Variants in DMD observed in about 807,000 individuals in gnomAD.
The protein encoded by DMD is dystrophin.
DMD carries 63 observed loss-of-function variants against 330.1 expected under a neutral mutation model. The observed-to-expected ratio is 0.19, with a 90% confidence interval of 0.16 to 0.24. The LOEUF (loss-of-function observed/expected upper bound fraction) is 0.24. Ranked by LOEUF, DMD falls within the 10% of genes least tolerant of loss-of-function variation. The pLI is 1.00. For synonymous variants in DMD, 1,223 were observed against 959.8 expected (o/e 1.27, Z -5.07); for missense variants, 3,344 against 2,684.1 (o/e 1.25, Z -5.43).
chrX:33,192,014 A>G (rs1400158437), intron 1 of DMD, among the ~76,000 whole-genome samples: 2 of 112,240 alleles, frequency 1.8e-5, no homozygotes, highest in African/African-American at 6.5e-5. Context: ...AACAGTGGAT[A>G]AAGGACAAGA....
At chrX:32,807,362 G>T (rs1196757803) in intron 7 of DMD, among the ~76,000 whole-genome samples, 1 of 110,899 alleles carries the variant, frequency 9.0e-6, no homozygotes, top group Non-Finnish European at 1.9e-5. Context: ...TAAGCGATAA[G>T]ATGCTCTTTC....
intron 17 of DMD, among the ~76,000 whole-genome samples, chrX:32,529,566 T>G (rs1453148266): frequency 9.2e-6 from 1 of 108,483 alleles, no homozygotes; most frequent in Admixed American, 9.8e-5. Flanking sequence ...AACTGAGACC[T>G]GTCTCAGATT....
intron 41 of DMD, among the ~76,000 whole-genome samples, chrX:32,336,105 CATGTTATAT>C (rs1569558562): frequency 9.2e-6 from 1 of 108,591 alleles, no homozygotes; most frequent in African/African-American, 3.4e-5. Context: ...TGTATACGTA[CATGTTATAT>C]ATGTTATATG....
rs1164750176 is a variant in DMD, at chrX:31,488,721, A to G, written c.8547+8067T>C. Among the ~76,000 whole-genome samples, 11 of 111,885 alleles carry G rather than the reference A, an allele frequency of 9.8e-5. No homozygotes were observed. The Admixed American group carries it at 1.0e-3, about 11-fold the overall frequency. ...TATCATTTCCACTCTAGTCCAAGTA[A>G]TCATTTCCTTCTGAGATGACTCCAC... is the stretch of plus-strand genomic sequence containing the variant. On this transcript the variant is annotated intron_variant, in intron 57 of 78. Coordinates refer to ENST00000357033, the MANE Select transcript of DMD (RefSeq NM_004006.3).
At position 31,341,556 on chromosome X, in the gene DMD, T is replaced by C. The variant is rs189541390; in HGVS notation, c.9163+7000A>G. Among the ~76,000 whole-genome samples, 308 of 111,344 alleles carry C rather than the reference T, an allele frequency of 2.8e-3. 1 individual carries two copies. The highest frequency in any genetic ancestry group is 9.8e-3 in the African/African-American group (300 of 30,672). On this transcript the variant is annotated intron_variant, in intron 61 of 78. Transcript: ENST00000357033. The stretch of plus-strand genomic sequence containing the variant: ...GAGAGAAAAATTTAGGTTATGTAAA[T>C]CAACTTAGGATGGCCAAACGAAGAG...
chrX:32,873,574 A>G (rs2083161663), intron 2 of DMD, among the ~76,000 whole-genome samples: 1 of 111,686 alleles, frequency 9.0e-6, no homozygotes, highest in African/African-American at 3.3e-5. Flanking sequence ...CATTTCTTAT[A>G]TGAAAATGAA....
At chrX:31,175,133 C>T (rs2040382840) in intron 71 of DMD, among the ~76,000 whole-genome samples, 1 of 111,513 alleles carries the variant, frequency 9.0e-6, no homozygotes, top group Non-Finnish European at 1.9e-5. Context: ...TAAATTAATA[C>T]TTGGATTATT....
At chrX:32,021,790 T>G (rs2095807815) in intron 44 of DMD, among the ~76,000 whole-genome samples, 1 of 112,386 alleles carries the variant, frequency 8.9e-6, no homozygotes, top group Admixed American at 9.4e-5. Flanking sequence ...TCTCTGTTTC[T>G]TTTTCTAATA....
intron 1 of DMD, among the ~76,000 whole-genome samples, chrX:33,114,513 T>C (rs529599525): frequency 7.2e-5 from 8 of 111,669 alleles, no homozygotes; most frequent in African/African-American, 2.6e-4. Context: ...TTTCCATTTA[T>C]AGTAACCTCT....
At chrX:32,133,146 C>T (rs2096707696) in intron 44 of DMD, among the ~76,000 whole-genome samples, 1 of 108,924 alleles carries the variant, frequency 9.2e-6, no homozygotes, top group Non-Finnish European at 1.9e-5. Flanking sequence ...GCAGCTGGGA[C>T]TACAGGTGTG....
chrX:33,284,907 G>A (rs748490614), intron 1 of DMD, among the ~76,000 whole-genome samples: 2 of 107,189 alleles, frequency 1.9e-5, no homozygotes, highest in East Asian at 6.0e-4. Flanking sequence ...GGGTATTAAT[G>A]ACTACATAAA....
chrX:32,024,621 G>C (rs1419350426), intron 44 of DMD, among the ~76,000 whole-genome samples: 1 of 111,483 alleles, frequency 9.0e-6, no homozygotes, highest in Non-Finnish European at 1.9e-5. Flanking sequence ...TGTCTTGGCA[G>C]TATGACCTTG....
At chrX:31,236,029 A>G (rs1391202109) in intron 63 of DMD, among the ~76,000 whole-genome samples, 3 of 112,251 alleles carry the variant, frequency 2.7e-5, no homozygotes, top group Non-Finnish European at 5.6e-5. Context: ...GTTTTGGCCA[A>G]TGCTTGAGAA....
In DMD at chrX:32,328,415, C is replaced by CT. The variant is rs984300928; in HGVS notation, c.5922+13684dup. On this transcript the variant is annotated intron_variant, in intron 41 of 78. Transcript: ENST00000357033. ...AATGTCGTGATACCCTAATTCTACT[C>CT]TTTTTTGTGTATTTTGTCTTGTTTT... 1.3e-4 allele frequency among the ~76,000 whole-genome samples: 15 copies of CT among 111,692 alleles called. No homozygotes were observed. The Admixed American group carries it at 1.4e-3, about 11-fold the overall frequency.
At chrX:31,136,219 A>T (rs1325309578) in intron 76 of DMD, among the ~76,000 whole-genome samples, 1 of 111,385 alleles carries the variant, frequency 9.0e-6, no homozygotes, top group African/African-American at 3.3e-5. Flanking sequence ...CTGAAGAATT[A>T]AGGTCACAAA....
chrX:32,542,155 G>A (rs962176404), intron 17 of DMD, among the ~76,000 whole-genome samples: 34 of 111,757 alleles, frequency 3.0e-4, no homozygotes, highest in African/African-American at 1.1e-3. Context: ...AAAAGGCCGG[G>A]CATGGTGGCT....
chrX:32,363,024 A>T, intron 36 of DMD, 66 bp from the exon 37 acceptor site: 1 of 1,017,812 alleles, frequency 9.8e-7, no homozygotes, highest in Non-Finnish European at 1.4e-6. Flanking sequence ...ATAGAAAAAG[A>T]GAGCCAAACA....
chrX:33,188,496 A>AGG (rs1202580112), intron 1 of DMD, among the ~76,000 whole-genome samples: 1 of 110,043 alleles, frequency 9.1e-6, no homozygotes, highest in Non-Finnish European at 1.9e-5. Context: ...TCAGTAACTC[A>AGG]GGGGAAAAAA....
chrX:31,907,588 C>T (rs755541866), intron 47 of DMD, among the ~76,000 whole-genome samples: 15 of 112,102 alleles, frequency 1.3e-4, no homozygotes, highest in African/African-American at 4.5e-4. Context: ...TAAAGACTTA[C>T]ATGTTAGACC....
Sources: gnomAD v4.1 joint callset for allele counts (sites outside exome capture counted in the v4.1 genomes callset) on GRCh38, gnomAD v4.1.1 for gene constraint, MANE v1.5 for transcripts, NCBI Gene and HGNC (gene_info 2026-07-23, HGNC 2026-07-21) for gene names.